Variants in ARHGAP10 observed in about 807,000 individuals in gnomAD.
The protein encoded by ARHGAP10 is rho GTPase-activating protein 10.
ARHGAP10 carries 87 observed loss-of-function variants against 108.6 expected under a neutral mutation model. The observed-to-expected ratio is 0.80, with a 90% CI of 0.67 to 0.96. ARHGAP10 has a LOEUF of 0.96. ARHGAP10 is among the 40% of genes least tolerant of loss of function. ARHGAP10 has a pLI of 0.00. For missense variants in ARHGAP10, 939 were observed against 954.5 expected (o/e 0.98, Z 0.21); for synonymous variants, 347 against 341.1 (o/e 1.02, Z -0.19).
chr4:148,057,426 G>C (rs571015840), intron 20 of ARHGAP10, among the ~76,000 whole-genome samples: 2 of 152,312 alleles, frequency 1.3e-5, no homozygotes, highest in African/African-American at 4.8e-5. Context: ...TGTCAAAACA[G>C]GGTTTACTAG....
chr4:147,993,457 G>A (rs1740356313), intron 18 of ARHGAP10, among the ~76,000 whole-genome samples: 1 of 152,142 alleles, frequency 6.6e-6, no homozygotes. Flanking sequence ...TAGCATCCTT[G>A]TATACAATTA....
At chr4:147,874,049 C>T (rs1734959003) in intron 7 of ARHGAP10, among the ~76,000 whole-genome samples, 1 of 151,910 alleles carries the variant, frequency 6.6e-6, no homozygotes, top group Admixed American at 6.6e-5. Context: ...CAAACCTCTG[C>T]AGACAGGTTT....
chr4:147,994,054 A>G (rs1204343001), intron 18 of ARHGAP10, among the ~76,000 whole-genome samples: 1 of 152,232 alleles, frequency 6.6e-6, no homozygotes, highest in Non-Finnish European at 1.5e-5. Context: ...TTATTCATTT[A>G]TAGCCTGACT....
At chr4:147,827,710 A>G (rs1334671696) in intron 3 of ARHGAP10, among the ~76,000 whole-genome samples, 1 of 152,228 alleles carries the variant, frequency 6.6e-6, no homozygotes, top group Non-Finnish European at 1.5e-5. Flanking sequence ...AGCATGTTAA[A>G]AGCCACAGAT....
chr4:148,003,221 G>T (rs1348403738), intron 18 of ARHGAP10, among the ~76,000 whole-genome samples: 1 of 152,112 alleles, frequency 6.6e-6, no homozygotes, highest in Non-Finnish European at 1.5e-5. Context: ...GTAGTTGATC[G>T]GTTTTGAGTG....
At position 148,023,340 on chromosome 4, in the gene ARHGAP10, G is replaced by A; in HGVS notation, c.1794G>A (p.Arg598=). 6.2e-7 allele frequency: 1 copy of A among 1,614,250 alleles called. No individual in the cohort carries two copies. Among genetic ancestry groups the A allele is most frequent in the Non-Finnish European group, 8.5e-7 (1 of 1,180,032 alleles). The change falls in exon 19 of 23, where the codon AGG becomes AGA. Residue 598 remains arginine, a synonymous_variant. Transcript: ENST00000336498. ...CATCACCCCCAAATGCGCCACCAAGGCAGTCGAAGAGACAAGGCCAGAGAA... is the reference window on the plus strand; with the variant it reads ...CATCACCCCCAAATGCGCCACCAAGACAGTCGAAGAGACAAGGCCAGAGAA... ...LSASPPNAPP[R]QSKRQGQRTK...
At chr4:147,738,560 C>A (rs1969103) in intron 1 of ARHGAP10, among the ~76,000 whole-genome samples, 106,791 of 150,050 alleles carry the variant, frequency 0.71, 41,345 homozygotes, top group Non-Finnish European at 0.85. Context: ...CTCCCCCCCC[C>A]AAAAAAAATT....
intron 1 of ARHGAP10, among the ~76,000 whole-genome samples, chr4:147,763,550 T>A (rs1729672295): frequency 6.6e-6 from 1 of 151,956 alleles, no homozygotes; most frequent in East Asian, 1.9e-4. Flanking sequence ...GACCTTGTGA[T>A]CCGCCTGCCC....
intron 1 of ARHGAP10, among the ~76,000 whole-genome samples, chr4:147,773,856 G>A (rs531559142): frequency 6.6e-6 from 1 of 152,260 alleles, no homozygotes; most frequent in Non-Finnish European, 1.5e-5. Context: ...CCCTTTATAG[G>A]ATTATTTCCT....
At chr4:147,819,347 G>A (rs183427184) in intron 1 of ARHGAP10, among the ~76,000 whole-genome samples, 23 of 152,086 alleles carry the variant, frequency 1.5e-4, no homozygotes, top group Admixed American at 1.2e-3. Context: ...AAACATGTTC[G>A]TATATATTAT....
rs557962682 is a variant in ARHGAP10, at chr4:148,064,291, C to T, written c.2181-125C>T. ...CTGATGTTCACTTCCACGTTAATTT[C>T]TCTTTTGGGAGGAGTTGCCCTACTG... On this transcript the variant is annotated intron_variant, in intron 21 of 22. Transcript: ENST00000336498. 1.2e-5 allele frequency: 8 copies of T among 667,676 alleles called. No homozygotes were observed. In the East Asian group the frequency reaches 2.2e-4, roughly 18 times the overall value. The allele number at this position is 667,676 out of a possible 1,614,324, so 41.4% of individuals were successfully genotyped here.
At chr4:147,955,644 T>C (rs1030463214) in intron 16 of ARHGAP10, among the ~76,000 whole-genome samples, 6 of 152,138 alleles carry the variant, frequency 3.9e-5, no homozygotes, top group Admixed American at 3.3e-4. Context: ...GAGACAATTC[T>C]ATAGCAAGTA....
At chr4:147,989,789 A>G (rs1450969910) in intron 18 of ARHGAP10, among the ~76,000 whole-genome samples, 2 of 152,196 alleles carry the variant, frequency 1.3e-5, no homozygotes, top group African/African-American at 4.8e-5. Flanking sequence ...GGGTCCTGAG[A>G]TGATATACAT....
At chr4:147,770,538 C>G (rs541401977) in intron 1 of ARHGAP10, among the ~76,000 whole-genome samples, 3 of 152,164 alleles carry the variant, frequency 2.0e-5, no homozygotes, top group African/African-American at 7.2e-5. Context: ...GAAATGGTAG[C>G]CTGTATCACA....
chr4:147,911,597 C>A (rs551410905), intron 12 of ARHGAP10, among the ~76,000 whole-genome samples: 2 of 151,712 alleles, frequency 1.3e-5, no homozygotes, highest in African/African-American at 4.8e-5. Flanking sequence ...CTCCTGACTT[C>A]GTGATCCGCC....
intron 3 of ARHGAP10, among the ~76,000 whole-genome samples, chr4:147,837,648 T>TTTTTTG (rs1316682827): frequency 7.7e-6 from 1 of 129,890 alleles, no homozygotes; most frequent in East Asian, 2.3e-4. Flanking sequence ...TCACTGTTTT[T>TTTTTTG]TTTTTTTTTT....
Position 147,938,527 on chromosome 4 carries a change from A to G in ARHGAP10, c.1229-1298A>G, listed in dbSNP as rs377570053. ...CATCTCATTTCCCTCCCAGCATAAC[A>G]TAGGGTATAGGATGCAGTCCTTGAT... On this transcript the variant is annotated intron_variant, in intron 13 of 22. Coordinates refer to ENST00000336498, the MANE Select transcript of ARHGAP10 (RefSeq NM_024605.4). Among the ~76,000 whole-genome samples the G allele has an allele frequency of 1.3e-4, 20 of 152,316 alleles. No homozygotes were observed. In the East Asian group the frequency reaches 2.1e-3, roughly 16 times the overall value.
chr4:147,827,044 C>T (rs1009529544), intron 3 of ARHGAP10, among the ~76,000 whole-genome samples: 7 of 152,078 alleles, frequency 4.6e-5, no homozygotes, highest in Admixed American at 6.6e-5. Flanking sequence ...ATATTTGCCT[C>T]GGAAACCTTT....
At chr4:147,912,246 A>G (rs961277341) in intron 12 of ARHGAP10, among the ~76,000 whole-genome samples, 1 of 151,976 alleles carries the variant, frequency 6.6e-6, no homozygotes, top group Admixed American at 6.6e-5. Context: ...TGCTCTAAAT[A>G]TATGAAATTC....
Sources: allele counts gnomAD v4.1 joint callset (sites outside exome capture counted in the v4.1 genomes callset), GRCh38; gene constraint gnomAD v4.1.1; transcripts MANE v1.5; gene names NCBI Gene and HGNC (gene_info 2026-07-23, HGNC 2026-07-21).